C3orf33: variants seen among roughly 807,000 people sequenced by gnomAD.
C3orf33 encodes AP-1 activity suppressor.
In C3orf33, 23 loss-of-function variants were observed where a neutral mutation model predicts 28.7. The ratio of observed to expected loss-of-function variants is 0.80; its 90% CI spans 0.58 to 1.13. C3orf33 has a LOEUF of 1.13. Ranked by LOEUF, C3orf33 falls within the 50% of genes most tolerant of loss-of-function variation. The pLI is 0.00. For missense variants in C3orf33, 327 were observed against 353.4 expected (o/e 0.93, Z 0.60); for synonymous variants, 119 against 120.5 (o/e 0.99, Z 0.08).
intron 1 of C3orf33, among the ~76,000 whole-genome samples, chr3:155,802,943 C>A (rs1751694470): frequency 6.6e-6 from 1 of 152,070 alleles, no homozygotes; most frequent in Non-Finnish European, 1.5e-5. Context: ...TTGGATTGTT[C>A]TCTACTGATC....
At chr3:155,764,727 G>T (rs928111478) in intron 4 of C3orf33, among the ~76,000 whole-genome samples, 1 of 151,848 alleles carries the variant, frequency 6.6e-6, no homozygotes, top group Non-Finnish European at 1.5e-5. Flanking sequence ...GCGATGGCAG[G>T]TGCCTGTAAT....
intron 3 of C3orf33, among the ~76,000 whole-genome samples, chr3:155,768,694 G>A (rs1279774067): frequency 6.6e-6 from 1 of 152,054 alleles, no homozygotes; most frequent in Non-Finnish European, 1.5e-5. Context: ...TATTCTCCAG[G>A]AAAGAAATAA....
At chr3:155,801,547 G>T (rs1027285768) in intron 2 of C3orf33, among the ~76,000 whole-genome samples, 5 of 151,906 alleles carry the variant, frequency 3.3e-5, no homozygotes. Context: ...GTCTTAAAAA[G>T]GACAAAAATT....
chr3:155,788,071 G>A (rs1461761547), intron 2 of C3orf33, among the ~76,000 whole-genome samples: 1 of 151,798 alleles, frequency 6.6e-6, no homozygotes, highest in Non-Finnish European at 1.5e-5. Context: ...GGCGCCTGTA[G>A]TCCCAGCTAC....
intron 2 of C3orf33, among the ~76,000 whole-genome samples, chr3:155,787,064 C>T (rs1459649330): frequency 6.6e-6 from 1 of 152,178 alleles, no homozygotes; most frequent in Non-Finnish European, 1.5e-5. Flanking sequence ...GAGAATACTT[C>T]CTAACTCAGT....
chr3:155,766,465 C>T (rs1401029840), intron 4 of C3orf33, among the ~76,000 whole-genome samples: 18 of 152,234 alleles, frequency 1.2e-4, no homozygotes, highest in Non-Finnish European at 1.8e-4. Flanking sequence ...AAGATTTATA[C>T]ACTTAGACCT....
chr3:155,794,918 T>G (rs1751432916), intron 2 of C3orf33, among the ~76,000 whole-genome samples: 1 of 152,122 alleles, frequency 6.6e-6, no homozygotes, highest in Non-Finnish European at 1.5e-5. Flanking sequence ...GAGCAATTAA[T>G]ATTAGAGCTA....
At chr3:155,802,434 G>A (rs1751675618) in intron 2 of C3orf33, 98 bp downstream of exon 2, 3 of 844,754 alleles carry the variant, frequency 3.6e-6, no homozygotes, top group East Asian at 2.6e-5. Flanking sequence ...CTACCAATAC[G>A]AGTAACAATA....
chr3:155,774,271 A>G (rs561699589), intron 3 of C3orf33, among the ~76,000 whole-genome samples: 1 of 152,324 alleles, frequency 6.6e-6, no homozygotes, highest in Admixed American at 6.5e-5. Flanking sequence ...TAGCAGAAAA[A>G]GGTGAATAAG....
At chr3:155,773,968 A>G (rs1750662786) in intron 3 of C3orf33, among the ~76,000 whole-genome samples, 2 of 152,202 alleles carry the variant, frequency 1.3e-5, no homozygotes, top group African/African-American at 2.4e-5. Flanking sequence ...AATGGTATCA[A>G]GTATGTTTGG....
intron 2 of C3orf33, among the ~76,000 whole-genome samples, chr3:155,798,844 C>T (rs1231641997): frequency 6.6e-6 from 1 of 152,038 alleles, no homozygotes; most frequent in African/African-American, 2.4e-5. Flanking sequence ...ACCCACAGAA[C>T]AGGAGAAAAT....
chr3:155,772,653 G>A (rs546668707), intron 3 of C3orf33, among the ~76,000 whole-genome samples: 182 of 151,192 alleles, frequency 1.2e-3, no homozygotes, highest in African/African-American at 4.3e-3. Context: ...TATGACTACC[G>A]TAGGCATGTG....
At chr3:155,785,215 G>A (rs1056117575) in intron 2 of C3orf33, among the ~76,000 whole-genome samples, 2 of 151,892 alleles carry the variant, frequency 1.3e-5, no homozygotes, top group African/African-American at 4.8e-5. Context: ...TAACAGACCA[G>A]CAAAAATGGT....
chr3:155,790,218 T>C (rs868201500), intron 2 of C3orf33, among the ~76,000 whole-genome samples: 55 of 65,112 alleles, frequency 8.4e-4, no homozygotes, highest in Middle Eastern at 0.013. Context: ...AATATTCACA[T>C]GCAAAAAAGA....
intron 2 of C3orf33, among the ~76,000 whole-genome samples, chr3:155,789,028 A>G (rs1243649258): frequency 6.6e-6 from 1 of 152,208 alleles, no homozygotes; most frequent in Non-Finnish European, 1.5e-5. Flanking sequence ...ATTAACAACA[A>G]ACAATCTGAA....
chr3:155,791,579 G>A (rs1025414692), intron 2 of C3orf33, among the ~76,000 whole-genome samples: 6 of 152,080 alleles, frequency 3.9e-5, no homozygotes, highest in African/African-American at 1.2e-4. Context: ...ATCTGCCCTG[G>A]GCCAGTGGGG....
rs1212514100 is a variant in C3orf33, at chr3:155,763,521, C to A, written c.881G>T (p.Gly294Val). The A allele has an allele frequency of 1.9e-5, 28 of 1,494,634 alleles. 1 individual carries two copies. The highest frequency in any genetic ancestry group is 2.5e-5 in the Non-Finnish European group (28 of 1,128,622). The allele number at this position is 1,494,634 out of a possible 1,614,324, so 92.6% of individuals were successfully genotyped here. A position where few individuals can be genotyped will look rare whatever the true frequency, so the allele number is the denominator to read the frequency against. Reference protein sequence around the residue: ...LISRINFRRKG With the variant: ...LISRINFRRKV ...CCTCTAGATTTCTTGACCGTTTCAC[C>A]CTTTTCTACGAAAGTTTATGCGACT... Residue 294 changes from glycine (G) to valine (V), a missense_variant, in exon 5 of 5, where the codon GGG becomes GTG. Coordinates refer to ENST00000340171, the MANE Select transcript of C3orf33 (RefSeq NM_001308229.2).
At chr3:155,801,294 G>C (rs1751640657) in intron 2 of C3orf33, among the ~76,000 whole-genome samples, 1 of 140,284 alleles carries the variant, frequency 7.1e-6, no homozygotes, top group African/African-American at 2.7e-5. Flanking sequence ...CTGGGCGACA[G>C]AGTGAGACTC....
chr3:155,796,820 C>T (rs1348767424), intron 2 of C3orf33, among the ~76,000 whole-genome samples: 1 of 152,174 alleles, frequency 6.6e-6, no homozygotes, highest in Non-Finnish European at 1.5e-5. Context: ...AGATCTTTGA[C>T]CAAGTGGGAT....
Sources: allele counts gnomAD v4.1 joint callset (sites outside exome capture counted in the v4.1 genomes callset), GRCh38; gene constraint gnomAD v4.1.1; transcripts MANE v1.5; gene names NCBI Gene and HGNC (gene_info 2026-07-23, HGNC 2026-07-21).